MYT1L: variants seen among roughly 807,000 people sequenced by gnomAD.
MYT1L encodes myelin transcription factor 1-like protein.
A neutral mutation model predicts 126.7 loss-of-function variants in MYT1L; 12 were observed. The ratio of observed to expected loss-of-function variants is 0.09; its 90% CI spans 0.06 to 0.15. The LOEUF (loss-of-function observed/expected upper bound fraction) is 0.15. MYT1L is among the 10% of genes least tolerant of loss of function. MYT1L has a pLI of 1.00. For synonymous variants in MYT1L, 541 were observed against 604.2 expected (o/e 0.90, Z 1.53); for missense variants, 979 against 1,585.2 (o/e 0.62, Z 6.49).
intron 18 of MYT1L, among the ~76,000 whole-genome samples, chr2:1,873,938 G>C (rs1002936569): frequency 2.6e-5 from 4 of 152,094 alleles, no homozygotes; most frequent in Admixed American, 2.0e-4. Flanking sequence ...GAGGGGTGGA[G>C]AGGGATGGTC....
chr2:2,223,012 C>G (rs1025160356), intron 2 of MYT1L, among the ~76,000 whole-genome samples: 1 of 152,104 alleles, frequency 6.6e-6, no homozygotes, highest in South Asian at 2.1e-4. Context: ...CATATAATAA[C>G]AAGCACTGTT....
intron 2 of MYT1L, among the ~76,000 whole-genome samples, chr2:2,276,843 C>A (rs921477452): frequency 6.6e-6 from 1 of 152,180 alleles, no homozygotes; most frequent in Non-Finnish European, 1.5e-5. Context: ...TCCACACCCC[C>A]CTGGAAGCCC....
rs370811732 is a variant in MYT1L at position 1,983,249 on chromosome 2, G to A, written c.1-3472C>T. Among the ~76,000 whole-genome samples, 134 of 152,240 alleles carry A rather than the reference G, an allele frequency of 8.8e-4. 3 individuals are homozygous for A. The East Asian group carries it at 0.017, about 19-fold the overall frequency. ...CAGTGTGTTTTCCTCTGCTGAACAAGGGCCTTTGCTATGAGCATTACAGGA... is the reference window on the plus strand; with the variant it reads ...CAGTGTGTTTTCCTCTGCTGAACAAAGGCCTTTGCTATGAGCATTACAGGA... On this transcript the variant is annotated intron_variant, in intron 5 of 24. Transcript: ENST00000647738.
At chr2:2,272,230 C>T (rs562234539) in intron 2 of MYT1L, among the ~76,000 whole-genome samples, 5 of 152,212 alleles carry the variant, frequency 3.3e-5, no homozygotes, top group Non-Finnish European at 2.9e-5. Context: ...GACAGGCACC[C>T]TTATTGCCCA....
chr2:2,045,970 G>C (rs570368886), intron 4 of MYT1L, among the ~76,000 whole-genome samples: 4 of 152,154 alleles, frequency 2.6e-5, no homozygotes, highest in African/African-American at 9.7e-5. Flanking sequence ...CTCCAGGGCC[G>C]CTGTCGTCTT....
intron 11 of MYT1L, among the ~76,000 whole-genome samples, chr2:1,915,387 TG>T (rs987538833): frequency 2.0e-5 from 3 of 151,950 alleles, no homozygotes; most frequent in African/African-American, 7.2e-5. Context: ...GATCTGGCCC[TG>T]GGAGGCACCT....
chr2:2,193,129 C>T (rs1376195039), intron 2 of MYT1L, among the ~76,000 whole-genome samples: 5 of 152,044 alleles, frequency 3.3e-5, no homozygotes, highest in Non-Finnish European at 7.4e-5. Flanking sequence ...AGGTGCCCAC[C>T]ACCACGCCTG....
intron 4 of MYT1L, among the ~76,000 whole-genome samples, chr2:2,039,091 T>A (rs2067223234): frequency 6.6e-6 from 1 of 152,172 alleles, no homozygotes; most frequent in African/African-American, 2.4e-5. Context: ...TGGAAGGCAG[T>A]CAGCAAGCAC....
intron 4 of MYT1L, among the ~76,000 whole-genome samples, chr2:2,001,032 G>A (rs1412497858): frequency 6.6e-6 from 1 of 152,126 alleles, no homozygotes; most frequent in South Asian, 2.1e-4. Flanking sequence ...TGATGAGTTT[G>A]ATGTGTTTAG....
chr2:1,846,844 G>A (rs2042565636), intron 19 of MYT1L, among the ~76,000 whole-genome samples: 1 of 152,174 alleles, frequency 6.6e-6, no homozygotes, highest in Non-Finnish European at 1.5e-5. Flanking sequence ...ACCTTACAAG[G>A]TTCCCAAGGC....
intron 8 of MYT1L, among the ~76,000 whole-genome samples, chr2:1,972,356 A>C (rs2059874057): frequency 2.1e-5 from 1 of 48,346 alleles, no homozygotes; most frequent in African/African-American, 3.6e-4. Context: ...GCGTGGTTAG[A>C]AAAAAATGCA....
At chr2:1,900,456 C>A (rs188613559) in intron 14 of MYT1L, among the ~76,000 whole-genome samples, 1 of 152,144 alleles carries the variant, frequency 6.6e-6, no homozygotes, top group Non-Finnish European at 1.5e-5. Context: ...CCCGCCACCA[C>A]GCCTGGCTAA....
intron 2 of MYT1L, among the ~76,000 whole-genome samples, chr2:2,236,795 TCTTCTTCTTCTTCTTC>T (rs2094325861): frequency 3.9e-5 from 1 of 25,754 alleles, no homozygotes; most frequent in Non-Finnish European, 5.8e-5. Context: ...TTCTTCTTCT[TCTTCTTCTTCTTCTTC>T]TTCTTTTTTT....
At chr2:2,231,334 G>T (rs1017529448) in intron 2 of MYT1L, among the ~76,000 whole-genome samples, 2 of 152,202 alleles carry the variant, frequency 1.3e-5, no homozygotes, top group Admixed American at 1.3e-4. Context: ...TTTGTAGGTT[G>T]ATTGCAGTCT....
intron 18 of MYT1L, among the ~76,000 whole-genome samples, chr2:1,862,013 TCA>T (rs2044746502): frequency 6.6e-6 from 1 of 152,152 alleles, no homozygotes; most frequent in South Asian, 2.1e-4. Flanking sequence ...CTGAGATTTT[TCA>T]CACTCGGGGG....
chr2:1,931,311 C>A (rs1295079253), intron 9 of MYT1L, among the ~76,000 whole-genome samples: 3 of 152,238 alleles, frequency 2.0e-5, no homozygotes, highest in African/African-American at 7.2e-5. Flanking sequence ...CTGGGCCTTG[C>A]AGACACTTCC....
chr2:2,014,791 G>C (rs2064202903), intron 4 of MYT1L, among the ~76,000 whole-genome samples: 1 of 152,266 alleles, frequency 6.6e-6, no homozygotes, highest in South Asian at 2.1e-4. Flanking sequence ...AGCTGAAGTG[G>C]AGCAGGCAGG....
At chr2:2,122,163 C>T (rs762602050) in intron 3 of MYT1L, among the ~76,000 whole-genome samples, 1 of 152,230 alleles carries the variant, frequency 6.6e-6, no homozygotes, top group Non-Finnish European at 1.5e-5. Context: ...GCCTGTATCT[C>T]CCACTCACTT....
At chr2:1,861,550 T>A (rs1434341631) in intron 18 of MYT1L, among the ~76,000 whole-genome samples, 1 of 151,744 alleles carries the variant, frequency 6.6e-6, no homozygotes, top group Non-Finnish European at 1.5e-5. Context: ...GGAAAAGATT[T>A]GTATTCTAAT....
Sources: gnomAD v4.1 joint callset for allele counts (sites outside exome capture counted in the v4.1 genomes callset) on GRCh38, gnomAD v4.1.1 for gene constraint, MANE v1.5 for transcripts, NCBI Gene and HGNC (gene_info 2026-07-23, HGNC 2026-07-21) for gene names.